Variants in KIF13A observed in about 807,000 individuals in gnomAD.
KIF13A encodes kinesin-like protein KIF13A.
A neutral mutation model predicts 212.2 loss-of-function variants in KIF13A; 79 were observed. That is an observed-to-expected ratio of 0.37 (90% CI 0.31 to 0.45). The LOEUF is 0.45. KIF13A is among the 20% of genes least tolerant of loss of function. The pLI, the probability that KIF13A is intolerant of heterozygous loss-of-function variation, is 1.00. For missense variants in KIF13A, 1,901 were observed against 2,209.0 expected, an observed-to-expected ratio of 0.86 and a Z score of 2.79; for synonymous variants, 789 against 808.6, an observed-to-expected ratio of 0.98 and a Z score of 0.41.
intron 16 of KIF13A, among the ~76,000 whole-genome samples, chr6:17,822,544 G>A (rs1018223965): frequency 4.6e-5 from 7 of 152,136 alleles, no homozygotes; most frequent in African/African-American, 1.7e-4. Flanking sequence ...TAAGAAGGTA[G>A]TAATTGATTC....
rs115912248 is a variant in KIF13A at position 17,783,568 on chromosome 6, T to A, written c.3544+78A>T. The A allele has an allele frequency of 1.6e-3, 1,575 of 995,150 alleles. 20 individuals are homozygous for A. The African/African-American group carries it at 0.02, about 13-fold the overall frequency. 61.6% of individuals were successfully genotyped at this position (995,150 alleles called of 1,614,324 possible). On this transcript the variant is annotated intron_variant, in intron 29 of 38. Coordinates refer to ENST00000259711, the MANE Select transcript of KIF13A (RefSeq NM_022113.6). This position sits in a 1 kb window ranked among gnomAD's most constrained non-coding sequence, Gnocchi z 4.3. ...AATGATTAGAAGAGTGATTTAAGGA[T>A]CAAAATAATGTGAATCTGGATAGAT...
chr6:17,932,175 C>T (rs751316797), intron 2 of KIF13A, among the ~76,000 whole-genome samples: 1 of 152,166 alleles, frequency 6.6e-6, no homozygotes, highest in Non-Finnish European at 1.5e-5. Flanking sequence ...GATACACACA[C>T]ATAACTTTTC....
At chr6:17,833,086 T>C (rs894738627) in intron 12 of KIF13A, among the ~76,000 whole-genome samples, 1 of 147,666 alleles carries the variant, frequency 6.8e-6, no homozygotes, top group African/African-American at 2.6e-5. Context: ...GCAGGAAATA[T>C]GAATGACATT....
In KIF13A at chr6:17,769,631, GA is replaced by G. The variant is rs1759315850; in HGVS notation, c.4581+1482del. On this transcript the variant is annotated intron_variant, in intron 38 of 38. Transcript: ENST00000259711. This position sits in a 1 kb window ranked among gnomAD's most constrained non-coding sequence, Gnocchi z 5.8. ...CAGAAGGGTCATCCAGCAGTGTCTT[GA>G]TGGTGTTGTACCAAAATGTATCGTT... Among the ~76,000 whole-genome samples the G allele has an allele frequency of 6.6e-6, 1 of 152,204 alleles. No homozygotes were observed. Among genetic ancestry groups the G allele is most frequent in the Admixed American group, 6.5e-5 (1 of 15,280 alleles).
chr6:17,833,192 G>A (rs1045614516), intron 12 of KIF13A, among the ~76,000 whole-genome samples: 4 of 152,006 alleles, frequency 2.6e-5, no homozygotes, highest in Admixed American at 1.3e-4. Context: ...TGACGTCAAT[G>A]TCTAAAAGTG....
chr6:17,879,164 T>G (rs1373972755), intron 3 of KIF13A, among the ~76,000 whole-genome samples: 3 of 152,166 alleles, frequency 2.0e-5, no homozygotes, highest in Admixed American at 1.3e-4. Context: ...TTACAGCAGT[T>G]TGTAGCTCCC....
intron 16 of KIF13A, among the ~76,000 whole-genome samples, chr6:17,824,210 T>G (rs1581428396): frequency 6.6e-6 from 1 of 152,018 alleles, no homozygotes; most frequent in South Asian, 2.1e-4. Context: ...CACCTGGCCC[T>G]ACATTTCATT....
Sources: allele counts gnomAD v4.1 joint callset (sites outside exome capture counted in the v4.1 genomes callset), GRCh38; gene constraint gnomAD v4.1.1; non-coding constraint Gnocchi (gnomAD v3.1); transcripts MANE v1.5; gene names NCBI Gene and HGNC (gene_info 2026-07-23, HGNC 2026-07-21).